Variants in DIAPH3 observed in about 807,000 individuals in gnomAD.
The protein encoded by DIAPH3 is diaphanous related formin 3.
DIAPH3 carries 117 observed loss-of-function variants against 144.3 expected under a neutral mutation model. That is an observed-to-expected ratio of 0.81 (90% CI 0.70 to 0.95). DIAPH3 has a LOEUF of 0.95. Ranked by LOEUF, DIAPH3 falls within the 40% of genes least tolerant of loss-of-function variation. DIAPH3 has a pLI of 0.00. For missense variants in DIAPH3, 1,421 were observed against 1,412.7 expected (o/e 1.01, Z -0.09); for synonymous variants, 519 against 488.9 (o/e 1.06, Z -0.81).
intron 1 of DIAPH3, among the ~76,000 whole-genome samples, chr13:60,155,968 A>T (rs1331688693): frequency 6.6e-6 from 1 of 152,242 alleles, no homozygotes; most frequent in African/African-American, 2.4e-5. Context: ...CCTTGTAACT[A>T]TACCTAGCTT....
At chr13:59,946,260 AT>A (rs1425581373) in intron 17 of DIAPH3, among the ~76,000 whole-genome samples, 2 of 152,126 alleles carry the variant, frequency 1.3e-5, no homozygotes, top group African/African-American at 4.8e-5. Context: ...TTCCTATTAT[AT>A]TGTCCTTTCA....
At chr13:59,996,609 C>T (rs1359374569) in intron 9 of DIAPH3, among the ~76,000 whole-genome samples, 5 of 151,784 alleles carry the variant, frequency 3.3e-5, no homozygotes, top group African/African-American at 1.2e-4. Context: ...AAGCGAGCGG[C>T]CAAAAAGGTA....
Position 59,971,109 on chromosome 13 carries a change from CTTCT to C in DIAPH3, c.1698_1701del (p.Glu567ValfsTer67), listed in dbSNP as rs1367519351. On this transcript the variant is annotated frameshift_variant, in exon 16 of 28. Transcript: ENST00000400324. LOFTEE classifies it high-confidence loss of function. The stretch of plus-strand genomic sequence containing the variant: ...GGAAGTGCTGAGTGGCCAGTTCCAC[CTTCT>C]TTAGAGGGAGGCAAAGGAATATTAC... 1.2e-6 allele frequency: 2 copies of C among 1,608,088 alleles called. No individual in the cohort carries two copies. The highest frequency in any genetic ancestry group is 4.5e-5 in the East Asian group (2 of 44,686).
rs1228829459 is a variant in DIAPH3, at chr13:60,044,509, GAACATATTC to G, written c.496-1698_496-1690del. Among the ~76,000 whole-genome samples the G allele has an allele frequency of 6.6e-5, 10 of 152,238 alleles. 1 individual carries two copies. The South Asian group carries it at 2.1e-3, about 32-fold the overall frequency. ...ACCGCAGTCACTGATATCATTCAAA[GAACATATTC>G]AACTTGTACCAACAGAGCACTTATT... On this transcript the variant is annotated intron_variant, in intron 4 of 27. Transcript: ENST00000400324.
At chr13:60,125,788 T>A (rs942283128) in intron 2 of DIAPH3, among the ~76,000 whole-genome samples, 2 of 152,090 alleles carry the variant, frequency 1.3e-5, no homozygotes, top group African/African-American at 4.8e-5. Context: ...GATAGCTGTG[T>A]GGGAAGGTGG....
intron 4 of DIAPH3, among the ~76,000 whole-genome samples, chr13:60,064,054 C>A (rs1183713484): frequency 6.6e-6 from 1 of 152,116 alleles, no homozygotes; most frequent in Admixed American, 6.5e-5. Flanking sequence ...TCTCAACAAG[C>A]GGGCTTAAAA....
chr13:59,851,688 G>C (rs2042982878), intron 22 of DIAPH3, among the ~76,000 whole-genome samples: 1 of 147,696 alleles, frequency 6.8e-6, no homozygotes, highest in African/African-American at 2.5e-5. Context: ...GCCCAGGTTG[G>C]AGCGCAATGG....
At chr13:59,864,155 T>C (rs764523596) in intron 21 of DIAPH3, among the ~76,000 whole-genome samples, 1 of 152,066 alleles carries the variant, frequency 6.6e-6, no homozygotes, top group Non-Finnish European at 1.5e-5. Flanking sequence ...TTTTTACATA[T>C]AGACTCATGA....
intron 17 of DIAPH3, among the ~76,000 whole-genome samples, chr13:59,968,954 C>T (rs2050203021): frequency 2.0e-5 from 3 of 152,176 alleles, no homozygotes; most frequent in Admixed American, 1.3e-4. Flanking sequence ...TCCCTGCCAC[C>T]TCTTCCTTTG....
chr13:59,776,181 T>C (rs1399056090), intron 25 of DIAPH3, among the ~76,000 whole-genome samples: 3 of 152,196 alleles, frequency 2.0e-5, no homozygotes, highest in Non-Finnish European at 4.4e-5. Flanking sequence ...AGAATACAAA[T>C]AACATACTCA....
intron 3 of DIAPH3, among the ~76,000 whole-genome samples, chr13:60,104,810 G>A (rs554019003): frequency 6.6e-6 from 1 of 152,050 alleles, no homozygotes; most frequent in South Asian, 2.1e-4. Flanking sequence ...GCCAGTGATT[G>A]GCCAGGCGCG....
intron 27 of DIAPH3, among the ~76,000 whole-genome samples, chr13:59,668,151 C>G (rs984016982): frequency 3.3e-5 from 5 of 152,208 alleles, no homozygotes; most frequent in African/African-American, 1.2e-4. Context: ...CAGTGATTTT[C>G]TCTTAAAGGA....
intron 17 of DIAPH3, among the ~76,000 whole-genome samples, chr13:59,959,728 C>G (rs1435493361): frequency 6.6e-6 from 1 of 152,118 alleles, no homozygotes; most frequent in Non-Finnish European, 1.5e-5. Context: ...GAACATGGTC[C>G]TGTTGATTTT....
At position 60,042,739 on chromosome 13, in the gene DIAPH3, C is replaced by T. The variant is rs2055773520; in HGVS notation, c.577G>A (p.Val193Ile). The T allele has an allele frequency of 6.2e-7, 1 of 1,613,608 alleles. No homozygotes were observed. The highest frequency in any genetic ancestry group is 8.5e-7 in the Non-Finnish European group (1 of 1,179,800). ...ACTCGGAGAGACTCCAGGCATGTGA[C>T]AAGTCTCTCATCTGCAGACCCCATT... Reference protein sequence around the residue: ...LKMGSADERLVTCLESLRVSL... With the variant: ...LKMGSADERLITCLESLRVSL... Residue 193 changes from valine (V) to isoleucine (I), a missense_variant, in exon 5 of 28, where the codon GTC becomes ATC. Physicochemically the swap from Val to Ile is conservative, Grantham distance 29 (BLOSUM62 3). Transcript: ENST00000400324.
chr13:59,733,301 C>A (rs1445652318), intron 27 of DIAPH3, among the ~76,000 whole-genome samples: 1 of 152,064 alleles, frequency 6.6e-6, no homozygotes, highest in Non-Finnish European at 1.5e-5. Flanking sequence ...AAATATATAT[C>A]TAACCATTTC....
chr13:59,811,152 A>G (rs1212084466), intron 24 of DIAPH3, among the ~76,000 whole-genome samples: 2 of 152,166 alleles, frequency 1.3e-5, no homozygotes, highest in Non-Finnish European at 2.9e-5. Context: ...TCTTTAAAAC[A>G]TCCACATCTT....
At chr13:59,827,872 G>A (rs148596364) in intron 24 of DIAPH3, among the ~76,000 whole-genome samples, 48 of 152,148 alleles carry the variant, frequency 3.2e-4, no homozygotes, top group Non-Finnish European at 6.3e-4. Context: ...CGCTACAGCT[G>A]TTGGATAGAT....
In DIAPH3 at chr13:60,015,949, T is replaced by G. The variant is rs745525355; in HGVS notation, c.735A>C (p.Lys245Asn). Residue 245 changes from lysine to asparagine, a missense_variant, in exon 7 of 28, where the codon AAA becomes AAC. Lys to Asn is a moderately conservative substitution (Grantham distance 94, BLOSUM62 0). Transcript: ENST00000400324. ...TCAGGGCTTTTAGACACTGTATGAC[T>G]TTATGTTGATTTTTCTTTACAACTT... ...QEKVVKKNQH[K>N]VIQCLKALMN... 2 of 1,613,452 alleles carry G rather than the reference T, an allele frequency of 1.2e-6. No homozygotes were observed. Among genetic ancestry groups the G allele is most frequent in the Non-Finnish European group, 1.7e-6 (2 of 1,179,790 alleles).
chr13:59,967,323 C>T (rs2050116827), intron 17 of DIAPH3, among the ~76,000 whole-genome samples: 1 of 152,028 alleles, frequency 6.6e-6, no homozygotes, highest in Non-Finnish European at 1.5e-5. Context: ...GATCAACCCA[C>T]CTCGACCTCC....
Sources: allele counts gnomAD v4.1 joint callset (sites outside exome capture counted in the v4.1 genomes callset), GRCh38; gene constraint gnomAD v4.1.1; transcripts MANE v1.5; gene names NCBI Gene and HGNC (gene_info 2026-07-23, HGNC 2026-07-21).